DNAH1: variants seen among roughly 807,000 people sequenced by gnomAD.
DNAH1 encodes the protein axonemal beta dynein heavy chain 1.
Under a neutral mutation model 484.3 loss-of-function variants are expected in DNAH1, and 327 were observed. That is an observed-to-expected ratio of 0.68 (90% CI 0.62 to 0.74). The LOEUF is 0.74. Among genes scored for constraint, DNAH1 ranks in the 30% least tolerant of loss-of-function variants. The pLI, the probability that DNAH1 is intolerant of heterozygous loss-of-function variation, is 0.00. For missense variants in DNAH1, 5,052 were observed against 5,546.8 expected, an observed-to-expected ratio of 0.91 and a Z score of 2.83; for synonymous variants, 2,192 against 2,191.9, an observed-to-expected ratio of 1.00 and a Z score of 0.00.
At position 52,397,718 on chromosome 3, in the gene DNAH1, C is replaced by T; in HGVS notation, c.11799C>T (p.Ser3933=). ...PPTYDLHGYL[S]YIKSLPLNDM... is the part of the protein sequence containing the mutation. ...CTCCTCTCTCCTAGGGCTACCTCTC[C>T]TACATCAAGAGCCTCCCACTCAATG... The change falls in exon 74 of 78, where the codon TCC becomes TCT. Residue 3933 remains serine (S), a synonymous_variant. Transcript: ENST00000420323. 6.2e-7 allele frequency: 1 copy of T among 1,608,528 alleles called. No individual in the cohort carries two copies. The highest frequency in any genetic ancestry group is 8.5e-7 in the Non-Finnish European group (1 of 1,177,022).
chr3:52,357,021 T>G (rs1053671252), intron 22 of DNAH1, among the ~76,000 whole-genome samples: 25 of 151,672 alleles, frequency 1.6e-4, no homozygotes, highest in South Asian at 4.2e-4. Context: ...TTTTTTTGTT[T>G]GTCTGTTTTT....
At chr3:52,313,591 C>T (rs1700861245), upstream of DNAH1, among the ~76,000 whole-genome samples, 1 of 152,100 alleles carries the variant, frequency 6.6e-6, no homozygotes, top group South Asian at 2.1e-4. Flanking sequence ...CTAACTGCCA[C>T]CCTAGCTGTT....
Position 52,369,882 on chromosome 3 carries a change from T to A in DNAH1, c.6001T>A (p.Ser2001Thr). 6.2e-7 allele frequency: 1 copy of A among 1,613,834 alleles called. No homozygotes were observed. The highest frequency in any genetic ancestry group is 8.5e-7 in the Non-Finnish European group (1 of 1,179,768). ...GGCGGTGGCTTCACCAGCTACAGTCTCCCGCTGTGGCATGGTGTACCTGGA... is the reference window on the plus strand; with the variant it reads ...GGCGGTGGCTTCACCAGCTACAGTCACCCGCTGTGGCATGGTGTACCTGGA... Reference protein sequence around the residue: ...DLAVASPATVSRCGMVYLEPS... With the variant: ...DLAVASPATVTRCGMVYLEPS... The change falls in exon 38 of 78, where the codon TCC (serine) becomes ACC (threonine). Residue 2001 changes from serine to threonine, a missense_variant. Coordinates refer to ENST00000420323, the MANE Select transcript of DNAH1 (RefSeq NM_015512.5).
At chr3:52,317,486 A>C (rs962145686) in intron 1 of DNAH1, among the ~76,000 whole-genome samples, 1 of 152,216 alleles carries the variant, frequency 6.6e-6, no homozygotes, top group African/African-American at 2.4e-5. Flanking sequence ...CTGTGGCTTA[A>C]ATGCCAACTT....
In DNAH1 at chr3:52,355,634, G is replaced by A. The variant is rs1024444115; in HGVS notation, c.3693+579G>A. Among the ~76,000 whole-genome samples, 1 of 152,264 alleles carries A rather than the reference G, an allele frequency of 6.6e-6. No individual in the cohort carries two copies. Among genetic ancestry groups the A allele is most frequent in the Admixed American group, 6.5e-5 (1 of 15,292 alleles). On this transcript the variant is annotated intron_variant, in intron 21 of 77. Coordinates refer to ENST00000420323, the MANE Select transcript of DNAH1 (RefSeq NM_015512.5). This position sits in a 1 kb window ranked among gnomAD's most constrained non-coding sequence, Gnocchi z 4.5. ...TCCCCTTCCCCGGGCCTCCCTGATA[G>A]CTGCTCAGAGACCTCCGGCGAAGGC... is the stretch of plus-strand genomic sequence containing the variant.
In DNAH1 at chr3:52,391,321, T is replaced by G; in HGVS notation, c.9884T>G (p.Leu3295Arg). 1.9e-6 allele frequency: 3 copies of G among 1,609,106 alleles called. No individual in the cohort carries two copies. Among genetic ancestry groups the G allele is most frequent in the Non-Finnish European group, 1.7e-6 (2 of 1,177,738 alleles). Residue 3295 changes from leucine (L) to arginine (R), a missense_variant, in exon 62 of 78, where the codon CTC becomes CGC. By Grantham distance (102) the Leu-to-Arg change is moderately radical (BLOSUM62 -2). Coordinates refer to ENST00000420323, the MANE Select transcript of DNAH1 (RefSeq NM_015512.5). ...ELDPALEPVLLKQTYKQQGNT... is the reference protein window; with the variant it reads ...ELDPALEPVLRKQTYKQQGNT... ...GACCCAGCCCTGGAGCCAGTGCTGCTCAAGCAGGTGGGTCTGCAGTGGTGA... is the reference window on the plus strand; with the variant it reads ...GACCCAGCCCTGGAGCCAGTGCTGCGCAAGCAGGTGGGTCTGCAGTGGTGA...
At position 52,394,929 on chromosome 3, in the gene DNAH1, G is replaced by A. The variant is rs1300278508; in HGVS notation, c.10838G>A (p.Gly3613Asp). 4 of 1,613,492 alleles carry A rather than the reference G, an allele frequency of 2.5e-6. No individual in the cohort carries two copies. Among genetic ancestry groups the A allele is most frequent in the Non-Finnish European group, 2.5e-6 (3 of 1,179,726 alleles). ...CACTGTTGCAGGGAGCCTTTGCCTG[G>A]CATCTGGGACCAGTACCTAGACCAG... is the stretch of plus-strand genomic sequence containing the variant. ...SLEPHREPLP[G>D]IWDQYLDQFQ... Residue 3613 changes from glycine to aspartate, a missense_variant, in exon 68 of 78, where the codon GGC becomes GAC. Around this residue, in one of 4 missense-constraint regions of DNAH1, gnomAD observed 853 missense variants for 899.0 expected, o/e 0.95. Transcript: ENST00000420323.
chr3:52,373,122 C>T (rs978747969), intron 44 of DNAH1, 69 bp downstream of exon 44: 19 of 1,489,488 alleles, frequency 1.3e-5, no homozygotes, highest in Non-Finnish European at 1.6e-5. Flanking sequence ...GGAGGCACAG[C>T]ACTGAAGGCC....
intron 8 of DNAH1, among the ~76,000 whole-genome samples, chr3:52,333,497 C>T (rs1209814639): frequency 2.0e-5 from 3 of 151,316 alleles, no homozygotes; most frequent in Admixed American, 1.3e-4. Flanking sequence ...AAGAGATTCT[C>T]CTGCCTCAGC....
In DNAH1 at chr3:52,397,712, C is replaced by A. The variant is rs760228529; in HGVS notation, c.11793C>A (p.Tyr3931Ter). The change falls in exon 74 of 78, where the codon TAC (tyrosine) becomes TAA (stop). Residue 3931 changes from tyrosine (Y) to a stop codon, truncating the protein, a stop_gained. Transcript: ENST00000420323. LOFTEE classifies it high-confidence loss of function. Reference protein sequence around the residue: ...QIPPTYDLHGYLSYIKSLPLN... With the variant: ...QIPPTYDLHG Reference sequence around the variant, plus strand: ...GTTGGCCTCCTCTCTCCTAGGGCTACCTCTCCTACATCAAGAGCCTCCCAC... The same window carrying A: ...GTTGGCCTCCTCTCTCCTAGGGCTAACTCTCCTACATCAAGAGCCTCCCAC... 1 of 1,605,788 alleles carries A rather than the reference C, an allele frequency of 6.2e-7. No individual in the cohort carries two copies. The highest frequency in any genetic ancestry group is 8.5e-7 in the Non-Finnish European group (1 of 1,175,748).
In DNAH1 at chr3:52,364,635, C is replaced by G; in HGVS notation, c.5245-3C>G. On this transcript the variant is annotated splice_region_variant and splice_polypyrimidine_tract_variant and intron_variant, in intron 32 of 77. Coordinates refer to ENST00000420323, the MANE Select transcript of DNAH1 (RefSeq NM_015512.5). The surrounding 1 kb of genome is among the most constrained non-coding windows in gnomAD (Gnocchi z 4.2). ...ACCCATGCCTCCTTCTGTATGGCGA[C>G]AGGATCACTATGACTTCGGGATGAG... 6.2e-7 allele frequency: 1 copy of G among 1,613,954 alleles called. No individual in the cohort carries two copies. The highest frequency in any genetic ancestry group is 8.5e-7 in the Non-Finnish European group (1 of 1,179,894).
At chr3:52,321,396 G>A (rs1409580013) in intron 1 of DNAH1, among the ~76,000 whole-genome samples, 1 of 152,216 alleles carries the variant, frequency 6.6e-6, no homozygotes, top group Non-Finnish European at 1.5e-5. Flanking sequence ...GATTATAGGA[G>A]TGAGCCACCG....
the DNAH1 span, among the ~76,000 whole-genome samples, chr3:52,311,302 G>A: frequency 1.3e-5 from 2 of 152,210 alleles, no homozygotes; most frequent in African/African-American, 2.4e-5. Context: ...GACCGGGACC[G>A]GGGCCTAGCT....
Position 52,362,268 on chromosome 3 carries a change from G to T in DNAH1, c.4981-120G>T. The T allele has an allele frequency of 1.2e-6, 1 of 807,224 alleles. No individual in the cohort carries two copies. The allele number at this position is 807,224 out of a possible 1,614,324, so 50.0% of individuals were successfully genotyped here. ...GATACAACCCATGATCAGGGGTCCA[G>T]GCCTGGCCTACCAGCTACAGCCAGG... On this transcript the variant is annotated intron_variant, in intron 30 of 77. Coordinates refer to ENST00000420323, the MANE Select transcript of DNAH1 (RefSeq NM_015512.5). The surrounding 1 kb of genome is among the most constrained non-coding windows in gnomAD (Gnocchi z 5.1).
rs775140428 is a variant in DNAH1 at position 52,346,736 on chromosome 3, G to C, written c.1921G>C (p.Val641Leu). 1 of 1,609,478 alleles carries C rather than the reference G, an allele frequency of 6.2e-7. No homozygotes were observed. The highest frequency in any genetic ancestry group is 2.2e-5 in the East Asian group (1 of 44,758). Reference protein sequence around the residue: ...CSVLNCTDDMVWGDDLINSPY... With the variant: ...CSVLNCTDDMLWGDDLINSPY... The stretch of plus-strand genomic sequence containing the variant: ...CGTGCTCAACTGCACCGATGACATG[G>C]TCTGGGGTGACGACTTAATTAACAG... Residue 641 changes from valine to leucine, a missense_variant, in exon 11 of 78, where the codon GTC becomes CTC. Val to Leu is a conservative substitution (Grantham distance 32, BLOSUM62 1). This residue lies in a region of DNAH1 where 1,263 missense variants were observed against 1,218.8 expected (regional missense o/e 1.04). Transcript: ENST00000420323.
Position 52,379,912 on chromosome 3 carries a change from T to C in DNAH1, c.7385T>C (p.Val2462Ala). ...MADPAKVEDQ[V>A]QLLRLWYHEN... is the part of the protein sequence containing the mutation. ...ATGCTGGGGCTACTGCAGGACCAAG[T>C]GCAGCTGCTGCGACTGTGGTATCAC... Residue 2462 changes from valine (V) to alanine (A), a missense_variant, in exon 48 of 78, where the codon GTG (valine) becomes GCG (alanine). Transcript: ENST00000420323. This position sits in a 1 kb window ranked among gnomAD's most constrained non-coding sequence, Gnocchi z 4.4. The C allele has an allele frequency of 1.3e-6, 2 of 1,560,652 alleles. No homozygotes were observed. The highest frequency in any genetic ancestry group is 1.7e-6 in the Non-Finnish European group (2 of 1,152,768).
chr3:52,322,668 C>T lies in DNAH1; in HGVS notation c.226C>T (p.Gln76Ter). 6.2e-7 allele frequency: 1 copy of T among 1,613,918 alleles called. No homozygotes were observed. Among genetic ancestry groups the T allele is most frequent in the Non-Finnish European group, 8.5e-7 (1 of 1,179,864 alleles). The change falls in exon 2 of 78, where the codon CAG (glutamine) becomes TAG (stop). Residue 76 changes from glutamine (Q) to a stop codon, truncating the protein, a stop_gained. Coordinates refer to ENST00000420323, the MANE Select transcript of DNAH1 (RefSeq NM_015512.5). LOFTEE classifies it high-confidence loss of function. ...CCCACCCACACTCTCAGACTTGGGG[C>T]AGCCACGGAAGTCACCCCTGACAGG... ...PAPPTLSDLG[Q>*]PRKSPLTGTD... is the part of the protein sequence containing the mutation.
intron 8 of DNAH1, among the ~76,000 whole-genome samples, chr3:52,342,174 T>C (rs189514659): frequency 1.4e-3 from 216 of 152,266 alleles, no homozygotes; most frequent in Non-Finnish European, 2.4e-3. Flanking sequence ...GGGACAAGTT[T>C]GTGGTACTTG....
At chr3:52,386,515 C>T in intron 55 of DNAH1, 147 bp from the exon 56 acceptor site, 1 of 1,284,994 alleles carries the variant, frequency 7.8e-7, no homozygotes, top group Non-Finnish European at 1.1e-6. Context: ...GAACTGTGGG[C>T]TGAGGCCAAC....
Sources: gnomAD v4.1 joint callset for allele counts (sites outside exome capture counted in the v4.1 genomes callset) on GRCh38, gnomAD v4.1.1 for gene constraint, gnomAD v4.1.1 regional missense constraint, Gnocchi (gnomAD v3.1) non-coding constraint, MANE v1.5 for transcripts, NCBI Gene and HGNC (gene_info 2026-07-23, HGNC 2026-07-21) for gene names.